ANK1: variants seen among roughly 807,000 people sequenced by gnomAD.
ANK1 encodes ankyrin 1.
In ANK1, 51 loss-of-function variants were observed where a neutral mutation model predicts 210.4. That is an observed-to-expected ratio of 0.24 (90% CI 0.19 to 0.31). ANK1 has a LOEUF of 0.31. ANK1 is among the 10% of genes least tolerant of loss of function. The pLI is 1.00. For synonymous variants in ANK1, 967 were observed against 1,025.9 expected (o/e 0.94, Z 1.10); for missense variants, 2,051 against 2,504.4 (o/e 0.82, Z 3.86).
chr8:41,863,460 T>C lies in ANK1; in HGVS notation c.126+32895A>G, dbSNP rs376322257. 5.9e-5 allele frequency among the ~76,000 whole-genome samples: 9 copies of C among 152,318 alleles called. No individual in the cohort carries two copies. The South Asian group carries it at 1.2e-3, about 21-fold the overall frequency. Reference sequence around the variant, plus strand: ...GAGAAAAATAAAAGGAAAATCACCATAATCTCACCAGCTAAAGGTAATTTC... The same window carrying C: ...GAGAAAAATAAAAGGAAAATCACCACAATCTCACCAGCTAAAGGTAATTTC... On this transcript the variant is annotated intron_variant, in intron 1 of 42. Coordinates refer to the ANK1 transcript ENST00000265709.
Position 41,702,148 on chromosome 8 carries a change from G to C in ANK1, c.2296-4C>G. On this transcript the variant is annotated splice_polypyrimidine_tract_variant and splice_region_variant and intron_variant, in intron 20 of 42. Coordinates refer to ENST00000289734, the MANE Select transcript of ANK1 (RefSeq NM_000037.4). Reference sequence around the variant, plus strand: ...TGGCCAGAGGTGTGGTTCCATCCTGGGGAAAGAGCAGCCCGGGTGCAGTCA... The same window carrying C: ...TGGCCAGAGGTGTGGTTCCATCCTGCGGAAAGAGCAGCCCGGGTGCAGTCA... 2 of 1,613,512 alleles carry C rather than the reference G, an allele frequency of 1.2e-6. No homozygotes were observed. The highest frequency in any genetic ancestry group is 2.2e-5 in the South Asian group (2 of 91,060).
intron 1 of ANK1, among the ~76,000 whole-genome samples, chr8:41,762,784 C>T (rs1840771161): frequency 6.6e-6 from 1 of 152,212 alleles, no homozygotes; most frequent in Non-Finnish European, 1.5e-5. Context: ...AGAGACATTT[C>T]TCCCACCAAT....
chr8:41,727,373 T>C, intron 4 of ANK1, 25 bp from the exon 5 acceptor site: 2 of 1,554,872 alleles, frequency 1.3e-6, no homozygotes, highest in Non-Finnish European at 1.8e-6. Flanking sequence ...AGGACATCAT[T>C]AGCATCCACC....
intron 1 of ANK1, among the ~76,000 whole-genome samples, chr8:41,774,115 C>T (rs36066801): frequency 0.54 from 82,053 of 151,882 alleles, 24,109 homozygotes; most frequent in Middle Eastern, 0.68. Context: ...CACCCAGGAC[C>T]CCCTGGGCAG....
chr8:41,717,038 G>A lies in ANK1; in HGVS notation c.1319C>T (p.Pro440Leu), dbSNP rs201135032. Residue 440 changes from proline (P) to leucine (L), a missense_variant, in exon 13 of 43, where the codon CCG becomes CTG. Physicochemically the swap from Pro to Leu is moderately conservative, Grantham distance 98. Transcript: ENST00000289734. The part of the protein sequence containing the change: ...PNVSNVKVET[P>L]LHMAARAGHT... ...CCCGGCTCTGGCTGCCATGTGTAGC[G>A]GGGTCTCCACTTTCTATAAAATAAC... is the stretch of plus-strand genomic sequence containing the variant. The A allele has an allele frequency of 2.8e-5, 45 of 1,614,178 alleles. No individual in the cohort carries two copies. The highest frequency in any genetic ancestry group is 4.4e-5 in the South Asian group (4 of 91,090).
rs777453775 is a variant in ANK1, at chr8:41,699,466, C to T, written c.2544G>A (p.Pro848=). Residue 848 remains proline, a synonymous_variant, in exon 23 of 43, where the codon CCG becomes CCA. Transcript: ENST00000289734. The stretch of plus-strand genomic sequence containing the variant: ...GCACTGCTCACACTTGGTCTAGCTT[C>T]GGCACAAAATCCAGCAGCTCCTTCT... The part of the protein sequence containing the change: ...DEEKELLDFV[P]KLDQVVESPA... The T allele has an allele frequency of 4.2e-5, 68 of 1,614,100 alleles. No homozygotes were observed. Among genetic ancestry groups the T allele is most frequent in the Admixed American group, 6.7e-5 (4 of 60,026 alleles).
At chr8:41,734,343 A>G (rs1832906360) in intron 2 of ANK1, among the ~76,000 whole-genome samples, 1 of 152,232 alleles carries the variant, frequency 6.6e-6, no homozygotes, top group African/African-American at 2.4e-5. Context: ...CACAACACCC[A>G]TGGTGACCTT....
intron 1 of ANK1, among the ~76,000 whole-genome samples, chr8:41,761,834 G>T (rs183580499): frequency 2.1e-3 from 316 of 152,174 alleles, no homozygotes; most frequent in Admixed American, 5.7e-3. Flanking sequence ...TTCCAGACAG[G>T]GGGTCCTCCC....
intron 10 of ANK1, among the ~76,000 whole-genome samples, chr8:41,719,075 G>A (rs891932896): frequency 2.0e-5 from 3 of 152,206 alleles, no homozygotes; most frequent in Admixed American, 6.5e-5. Flanking sequence ...AGGCAGAGAG[G>A]AGATGTGGTT....
intron 1 of ANK1, among the ~76,000 whole-genome samples, chr8:41,873,711 A>G (rs955260399): frequency 6.6e-6 from 1 of 152,232 alleles, no homozygotes; most frequent in Non-Finnish European, 1.5e-5. Context: ...GGCTCCTGCC[A>G]TATTGCACAG....
At chr8:41,780,840 A>G (rs1291641385) in intron 1 of ANK1, among the ~76,000 whole-genome samples, 1 of 152,116 alleles carries the variant, frequency 6.6e-6, no homozygotes, top group East Asian at 1.9e-4. Flanking sequence ...GTGTGTGTGC[A>G]CATATCAAGG....
At chr8:41,895,492 C>T (rs1820304759) in intron 1 of ANK1, among the ~76,000 whole-genome samples, 1 of 152,150 alleles carries the variant, frequency 6.6e-6, no homozygotes, top group Admixed American at 6.5e-5. Context: ...GGACCCCAGA[C>T]CCCAAAAGGG....
At chr8:41,696,088 C>T (rs1393578083) in intron 26 of ANK1, among the ~76,000 whole-genome samples, 1 of 152,168 alleles carries the variant, frequency 6.6e-6, no homozygotes, top group Non-Finnish European at 1.5e-5. Flanking sequence ...CGGGGTCTTG[C>T]TATGTTTTCC....
intron 1 of ANK1, among the ~76,000 whole-genome samples, chr8:41,880,216 CGTTT>C (rs1294204017): frequency 6.6e-6 from 1 of 152,130 alleles, no homozygotes; most frequent in African/African-American, 2.4e-5. Context: ...TGGCCATGCT[CGTTT>C]GTTTGTGTAT....
intron 22 of ANK1, among the ~76,000 whole-genome samples, 169 bp downstream of exon 22, chr8:41,701,381 T>C (rs1365597452): frequency 2.0e-5 from 3 of 152,228 alleles, no homozygotes; most frequent in Admixed American, 6.5e-5. Flanking sequence ...GCAGTATTTT[T>C]GATAGTAGAC....
chr8:41,762,379 T>A (rs1840684957), intron 1 of ANK1, among the ~76,000 whole-genome samples: 1 of 152,202 alleles, frequency 6.6e-6, no homozygotes, highest in African/African-American at 2.4e-5. Flanking sequence ...GTTTTTTTTT[T>A]AATGCACTTA....
chr8:41,694,589 C>T lies in ANK1; in HGVS notation c.3327+3G>A, dbSNP rs981059110. On this transcript the variant is annotated splice_donor_region_variant and intron_variant, in intron 28 of 42. Coordinates refer to ENST00000289734, the MANE Select transcript of ANK1 (RefSeq NM_000037.4). The surrounding 1 kb of genome is among the most constrained non-coding windows in gnomAD (Gnocchi z 5.7). ...AGGACCTGGCGGGGAGGAGGGCTGT[C>T]ACCTGCAGAGCCAGCTTCACTCTCT... 6.2e-7 allele frequency: 1 copy of T among 1,612,220 alleles called. No homozygotes were observed. The highest frequency in any genetic ancestry group is 1.3e-5 in the African/African-American group (1 of 75,012).
At chr8:41,806,480 CAAG>C (rs1850983769) in intron 1 of ANK1, among the ~76,000 whole-genome samples, 1 of 152,084 alleles carries the variant, frequency 6.6e-6, no homozygotes, top group South Asian at 2.1e-4. Context: ...TTTCAGAGGC[CAAG>C]GAGGGAAGAT....
chr8:41,743,481 T>C (rs1835293740), intron 2 of ANK1, among the ~76,000 whole-genome samples: 1 of 152,218 alleles, frequency 6.6e-6, no homozygotes, highest in African/African-American at 2.4e-5. Context: ...AAGGAGTGCT[T>C]TCCCATCTTC....
Sources: gnomAD v4.1 joint callset for allele counts (sites outside exome capture counted in the v4.1 genomes callset) on GRCh38, gnomAD v4.1.1 for gene constraint, Gnocchi (gnomAD v3.1) non-coding constraint, MANE v1.5 for transcripts, NCBI Gene and HGNC (gene_info 2026-07-23, HGNC 2026-07-21) for gene names.